RAD51B: variants seen among roughly 807,000 people sequenced by gnomAD.
RAD51B encodes DNA repair protein RAD51 homolog 2.
RAD51B carries 38 observed loss-of-function variants against 42.2 expected under a neutral mutation model. The ratio of observed to expected loss-of-function variants is 0.90; its 90% CI spans 0.70 to 1.18. The LOEUF (loss-of-function observed/expected upper bound fraction) is 1.18, where lower values mean the gene tolerates loss of function less well. RAD51B is among the 50% of genes most tolerant of loss of function. The pLI is 0.00. For synonymous variants in RAD51B, 154 were observed against 145.2 expected (o/e 1.06, Z -0.43); for missense variants, 373 against 400.7 (o/e 0.93, Z 0.59).
chr14:67,903,296 A>T (rs1161003897), intron 7 of RAD51B, among the ~76,000 whole-genome samples: 2 of 152,162 alleles, frequency 1.3e-5, no homozygotes, highest in African/African-American at 2.4e-5. Flanking sequence ...AAAATGATAA[A>T]AACCTTTTCT....
intron 5 of RAD51B, among the ~76,000 whole-genome samples, chr14:67,880,256 T>G (rs1204720966): frequency 2.0e-5 from 3 of 152,238 alleles, no homozygotes; most frequent in African/African-American, 4.8e-5. Flanking sequence ...TATTGCCACT[T>G]GTTTTTCTTG....
chr14:68,670,554 TC>T (rs1006754348), intron 11 of RAD51B, among the ~76,000 whole-genome samples: 1 of 152,120 alleles, frequency 6.6e-6, no homozygotes, highest in Non-Finnish European at 1.5e-5. Context: ...GAGCCTCCAG[TC>T]CCCAGCCATG....
At chr14:68,626,124 A>G (rs916226052) in intron 10 of RAD51B, among the ~76,000 whole-genome samples, 1 of 152,226 alleles carries the variant, frequency 6.6e-6, no homozygotes, top group African/African-American at 2.4e-5. Flanking sequence ...TAGGAATCAA[A>G]TCATATAGGT....
At chr14:68,081,981 G>A (rs1001844118) in intron 7 of RAD51B, among the ~76,000 whole-genome samples, 2 of 151,184 alleles carry the variant, frequency 1.3e-5, no homozygotes, top group African/African-American at 4.9e-5. Context: ...TTTTTTTTGA[G>A]ACAGAGTCTT....
At chr14:67,940,184 G>A (rs148259991) in intron 7 of RAD51B, among the ~76,000 whole-genome samples, 1,479 of 140,802 alleles carry the variant, frequency 0.011, 23 homozygotes, top group African/African-American at 0.033. Flanking sequence ...AGCTATTCTC[G>A]TGTCTCAGCC....
At chr14:68,111,651 A>G (rs1176843260) in intron 7 of RAD51B, among the ~76,000 whole-genome samples, 1 of 152,044 alleles carries the variant, frequency 6.6e-6, no homozygotes, top group Non-Finnish European at 1.5e-5. Context: ...AAATCCAGTA[A>G]TGTTCACCAA....
At chr14:68,045,081 A>G (rs1326877825) in intron 7 of RAD51B, among the ~76,000 whole-genome samples, 2 of 151,932 alleles carry the variant, frequency 1.3e-5, no homozygotes, top group African/African-American at 2.4e-5. Flanking sequence ...TACTAAAAAT[A>G]CAAAATTAGC....
rs200789513 is a variant in RAD51B at position 67,885,869 on chromosome 14, A to G, written c.453A>G (p.Arg151=). 68 of 1,603,298 alleles carry G rather than the reference A, an allele frequency of 4.2e-5. No homozygotes were observed. The South Asian group carries it at 5.6e-4, about 13-fold the overall frequency. The change falls in exon 6 of 11, where the codon AGA becomes AGG. Residue 151 remains arginine, a splice_region_variant and synonymous_variant. Coordinates refer to ENST00000471583, the MANE Select transcript of RAD51B (RefSeq NM_133510.4). ...IDTESAFSAE[R]LVEIAESRFP... ...TTTGTGCTATTTTTTTCACCCACAG[A>G]CTGGTTGAAATAGCAGAATCCCGTT...
At chr14:68,025,015 A>T (rs1471940776) in intron 7 of RAD51B, among the ~76,000 whole-genome samples, 1 of 151,916 alleles carries the variant, frequency 6.6e-6, no homozygotes, top group African/African-American at 2.4e-5. Flanking sequence ...TTTGAAGTAT[A>T]TTCCTTTGGT....
intron 7 of RAD51B, among the ~76,000 whole-genome samples, chr14:68,208,171 C>T (rs1455184703): frequency 6.6e-6 from 1 of 151,520 alleles, no homozygotes; most frequent in African/African-American, 2.4e-5. Context: ...CTTAAAATAG[C>T]ATGTAATCTT....
chr14:68,163,625 T>C (rs1351509713), intron 7 of RAD51B, among the ~76,000 whole-genome samples: 4 of 152,192 alleles, frequency 2.6e-5, no homozygotes, highest in Non-Finnish European at 2.9e-5. Flanking sequence ...ACGCCTGCCT[T>C]CTTCTGTTTC....
At chr14:68,201,224 A>G (rs1026238256) in intron 7 of RAD51B, among the ~76,000 whole-genome samples, 1 of 152,224 alleles carries the variant, frequency 6.6e-6, no homozygotes, top group African/African-American at 2.4e-5. Flanking sequence ...TTTTATAAAT[A>G]TAAATGATTT....
At chr14:68,055,742 G>A (rs2076463422) in intron 7 of RAD51B, among the ~76,000 whole-genome samples, 1 of 152,252 alleles carries the variant, frequency 6.6e-6, no homozygotes, top group East Asian at 1.9e-4. Context: ...GCTTGACTGA[G>A]CATGGAAGAT....
At chr14:68,111,890 A>C (rs913095798) in intron 7 of RAD51B, among the ~76,000 whole-genome samples, 3 of 152,052 alleles carry the variant, frequency 2.0e-5, no homozygotes, top group African/African-American at 7.2e-5. Context: ...CAGGCACTGA[A>C]GTTATGTTAC....
In RAD51B at chr14:67,886,721, G is replaced by A. The variant is rs182495238; in HGVS notation, c.573-300G>A. 1,208 of 268,004 alleles carry A rather than the reference G, an allele frequency of 4.5e-3. 5 individuals are homozygous for A. Among genetic ancestry groups the A allele is most frequent in the Middle Eastern group, 9.9e-3 (9 of 906 alleles). The allele number at this position is 268,004 out of a possible 1,614,324, so 16.6% of individuals were successfully genotyped here. Reference sequence around the variant, plus strand: ...ATACAAGGATGCAAAATACCAAGAGGAGGGAGTAAGTGTGGGCCATTTTGC... The same window carrying A: ...ATACAAGGATGCAAAATACCAAGAGAAGGGAGTAAGTGTGGGCCATTTTGC... On this transcript the variant is annotated intron_variant, in intron 6 of 10. Transcript: ENST00000471583.
intron 8 of RAD51B, among the ~76,000 whole-genome samples, chr14:68,410,977 A>G (rs1200144104): frequency 6.6e-6 from 1 of 152,096 alleles, no homozygotes; most frequent in Non-Finnish European, 1.5e-5. Flanking sequence ...TTACATGTAT[A>G]TGCCACCATT....
intron 7 of RAD51B, among the ~76,000 whole-genome samples, chr14:68,243,321 C>T (rs894240662): frequency 6.6e-6 from 1 of 151,924 alleles, no homozygotes; most frequent in African/African-American, 2.4e-5. Flanking sequence ...ATATTTTTCC[C>T]TATTGTAAAC....
At chr14:67,872,768 C>T (rs1344773849) in intron 5 of RAD51B, among the ~76,000 whole-genome samples, 3 of 150,382 alleles carry the variant, frequency 2.0e-5, no homozygotes, top group Non-Finnish European at 4.5e-5. Context: ...AGAACAGAGC[C>T]CTCAGAAATA....
At chr14:68,059,757 A>C (rs1248110357) in intron 7 of RAD51B, among the ~76,000 whole-genome samples, 1 of 152,168 alleles carries the variant, frequency 6.6e-6, no homozygotes, top group Non-Finnish European at 1.5e-5. Flanking sequence ...TTTTTCCCTC[A>C]GGAGATCACA....
Sources: gnomAD v4.1 joint callset for allele counts (sites outside exome capture counted in the v4.1 genomes callset) on GRCh38, gnomAD v4.1.1 for gene constraint, MANE v1.5 for transcripts, NCBI Gene and HGNC (gene_info 2026-07-23, HGNC 2026-07-21) for gene names.